Variants in MYO5B observed in about 807,000 individuals in gnomAD.
The protein encoded by MYO5B is myosin VB.
A neutral mutation model predicts 229.3 loss-of-function variants in MYO5B; 143 were observed. That is an observed-to-expected ratio of 0.62 (90% CI 0.54 to 0.72). The LOEUF (loss-of-function observed/expected upper bound fraction) is 0.72, where lower values mean the gene tolerates loss of function less well. Among genes scored for constraint, MYO5B ranks in the 30% least tolerant of loss-of-function variants. MYO5B has a pLI of 0.00. For synonymous variants in MYO5B, 918 were observed against 885.2 expected (o/e 1.04, Z -0.66); for missense variants, 2,321 against 2,331.0 (o/e 1.00, Z 0.09).
At chr18:50,010,775 C>T (rs2026153203) in intron 4 of MYO5B, among the ~76,000 whole-genome samples, 1 of 152,142 alleles carries the variant, frequency 6.6e-6, no homozygotes, top group Non-Finnish European at 1.5e-5. Context: ...CCTGTCAGAC[C>T]AAATAAACAT....
chr18:50,058,352 C>T (rs1298217721), intron 1 of MYO5B, among the ~76,000 whole-genome samples: 1 of 152,060 alleles, frequency 6.6e-6, no homozygotes, highest in Admixed American at 6.6e-5. Context: ...TGCTTGTAGT[C>T]CTAGCTATTC....
intron 4 of MYO5B, among the ~76,000 whole-genome samples, chr18:50,029,013 G>A (rs1341382519): frequency 3.3e-5 from 5 of 152,236 alleles, no homozygotes; most frequent in Non-Finnish European, 5.9e-5. Context: ...AAAAGGAGAT[G>A]GCAATATCCA....
chr18:49,878,619 G>A (rs1396797699), intron 24 of MYO5B, among the ~76,000 whole-genome samples: 1 of 152,118 alleles, frequency 6.6e-6, no homozygotes, highest in Admixed American at 6.5e-5. Flanking sequence ...ACACACTAAT[G>A]AAGCTGAGAA....
chr18:49,995,707 A>G (rs1357687637), intron 5 of MYO5B, among the ~76,000 whole-genome samples: 2 of 152,170 alleles, frequency 1.3e-5, no homozygotes, highest in Admixed American at 6.5e-5. Flanking sequence ...CTCTGCACAG[A>G]TTTATTCCAG....
chr18:50,083,911 T>A (rs1357173087), intron 1 of MYO5B, among the ~76,000 whole-genome samples: 2 of 152,082 alleles, frequency 1.3e-5, no homozygotes, highest in Non-Finnish European at 2.9e-5. Flanking sequence ...GAAGATTACA[T>A]CATCATTCAC....
intron 1 of MYO5B, among the ~76,000 whole-genome samples, chr18:50,093,831 C>T (rs1413315205): frequency 1.3e-5 from 2 of 152,078 alleles, no homozygotes; most frequent in Non-Finnish European, 2.9e-5. Flanking sequence ...TTTACAAATG[C>T]CATGGCAACT....
chr18:50,086,982 AC>A (rs2031344421), intron 1 of MYO5B, among the ~76,000 whole-genome samples: 1 of 152,176 alleles, frequency 6.6e-6, no homozygotes, highest in African/African-American at 2.4e-5. Flanking sequence ...GGAATAGTAA[AC>A]CTCTACAGTA....
At chr18:49,994,234 T>C (rs2025963350) in intron 5 of MYO5B, among the ~76,000 whole-genome samples, 1 of 152,202 alleles carries the variant, frequency 6.6e-6, no homozygotes, top group African/African-American at 2.4e-5. Flanking sequence ...ACCCTCTGTG[T>C]TCATGAGGGC....
At chr18:49,905,040 T>C (rs1203152202) in intron 19 of MYO5B, among the ~76,000 whole-genome samples, 1 of 152,176 alleles carries the variant, frequency 6.6e-6, no homozygotes, top group Non-Finnish European at 1.5e-5. Context: ...GTTCTTTCCT[T>C]ATGGTCTCGA....
intron 1 of MYO5B, among the ~76,000 whole-genome samples, chr18:50,134,138 A>G (rs1367708372): frequency 6.6e-6 from 1 of 152,226 alleles, no homozygotes; most frequent in Non-Finnish European, 1.5e-5. Context: ...AAACATCACC[A>G]TATTGCTTTT....
At chr18:50,002,616 G>A (rs1416870568) in intron 4 of MYO5B, among the ~76,000 whole-genome samples, 6 of 152,108 alleles carry the variant, frequency 3.9e-5, no homozygotes, top group Non-Finnish European at 5.9e-5. Context: ...TCGCAGTTTC[G>A]GGAAACGGTT....
chr18:50,028,775 G>A (rs889117231), intron 4 of MYO5B, among the ~76,000 whole-genome samples: 1 of 152,206 alleles, frequency 6.6e-6, no homozygotes, highest in African/African-American at 2.4e-5. Flanking sequence ...ACCGGGTGAC[G>A]CAGGCTCTCT....
intron 16 of MYO5B, among the ~76,000 whole-genome samples, chr18:49,931,829 C>A (rs1010866398): frequency 5.9e-5 from 9 of 152,276 alleles, no homozygotes; most frequent in Admixed American, 5.9e-4. Context: ...GAGCGGACAC[C>A]CCTGTGCTTT....
chr18:50,035,274 C>A (rs2026436055), intron 4 of MYO5B, among the ~76,000 whole-genome samples: 1 of 152,130 alleles, frequency 6.6e-6, no homozygotes, highest in Non-Finnish European at 1.5e-5. Flanking sequence ...GTGCAATGGC[C>A]AAGAGAATGG....
At chr18:49,963,052 T>G (rs187747677) in intron 10 of MYO5B, 22 bp from the exon 11 acceptor site, 12 of 1,599,768 alleles carry the variant, frequency 7.5e-6, no homozygotes, top group African/African-American at 2.7e-5. Flanking sequence ...AAAGAGAAGA[T>G]AAGAGACGTC....
intron 14 of MYO5B, chr18:49,946,235 A>T (rs1314380831): frequency 6.6e-6 from 1 of 152,128 alleles, no homozygotes; most frequent in Non-Finnish European, 1.5e-5. Flanking sequence ...AATTTACATT[A>T]TACTTACTGG....
In MYO5B at chr18:49,936,252, T is replaced by A. The variant is rs760588422; in HGVS notation, c.2003A>T (p.His668Leu). 3 of 1,590,042 alleles carry A rather than the reference T, an allele frequency of 1.9e-6. No homozygotes were observed. Among genetic ancestry groups the A allele is most frequent in the South Asian group, 2.3e-5 (2 of 87,426 alleles). The change falls in exon 16 of 40, where the codon CAC becomes CTC. Residue 668 changes from histidine (H) to leucine (L), a missense_variant and splice_region_variant. Physicochemically the swap from His to Leu is moderately conservative, Grantham distance 99. This residue lies in a region of MYO5B where 2,113 missense variants were observed against 2,044.7 expected (regional missense o/e 1.03). Transcript: ENST00000285039. ...IKPNDEKLPF[H>L]FDPKRAVQQL... ...AGGCTAATGCCCAGCAGGCACTTACTGAAAGGGGAGCTTCTCATCGTTGGG... is the reference window on the plus strand; with the variant it reads ...AGGCTAATGCCCAGCAGGCACTTACAGAAAGGGGAGCTTCTCATCGTTGGG...
intron 4 of MYO5B, among the ~76,000 whole-genome samples, chr18:50,026,672 AT>A (rs1366210365): frequency 2.0e-5 from 3 of 152,178 alleles, no homozygotes; most frequent in African/African-American, 7.2e-5. Context: ...CTTCTTTTGG[AT>A]ACTGTGACAT....
intron 1 of MYO5B, among the ~76,000 whole-genome samples, chr18:50,154,975 G>GCA (rs2032656930): frequency 6.6e-6 from 1 of 152,190 alleles, no homozygotes; most frequent in South Asian, 2.1e-4. Flanking sequence ...ACACAAGGTA[G>GCA]CACCACAGAC....
Sources: gnomAD v4.1 joint callset for allele counts (sites outside exome capture counted in the v4.1 genomes callset) on GRCh38, gnomAD v4.1.1 for gene constraint, gnomAD v4.1.1 regional missense constraint, MANE v1.5 for transcripts, NCBI Gene and HGNC (gene_info 2026-07-23, HGNC 2026-07-21) for gene names.